Variants in PPP5C observed in about 807,000 individuals in gnomAD.
PPP5C encodes the protein serine/threonine-protein phosphatase 5.
In PPP5C, 21 loss-of-function variants were observed where a neutral mutation model predicts 66.7. That is an observed-to-expected ratio of 0.31 (90% CI 0.22 to 0.45). PPP5C has a LOEUF of 0.45. Among genes scored for constraint, PPP5C ranks in the 20% least tolerant of loss-of-function variants. The pLI is 1.00. For synonymous variants in PPP5C, 246 were observed against 257.4 expected (o/e 0.96, Z 0.43); for missense variants, 464 against 675.9 (o/e 0.69, Z 3.48).
chr19:46,379,952 G>A (rs1379718528), intron 4 of PPP5C, among the ~76,000 whole-genome samples: 1 of 152,192 alleles, frequency 6.6e-6, no homozygotes, highest in Non-Finnish European at 1.5e-5. Flanking sequence ...ATTACAATGT[G>A]TAACTTTAAC....
Position 46,390,899 on chromosome 19 carries a change from A to C in PPP5C, c.*553A>C, listed in dbSNP as rs1973011177. On this transcript the variant is annotated 3_prime_UTR_variant, in exon 13 of 13. Coordinates refer to ENST00000012443, the MANE Select transcript of PPP5C (RefSeq NM_006247.4). ...CCGAAGGAGCTGCCCGGGTTGGGTT[A>C]CGCCTGCTCAGGAGATCCGGAGGGT... The C allele has an allele frequency of 8.6e-7, 1 of 1,167,836 alleles. No individual in the cohort carries two copies. The highest frequency in any genetic ancestry group is 1.1e-6 in the Non-Finnish European group (1 of 928,280). 72.3% of individuals were successfully genotyped at this position (1,167,836 alleles called of 1,614,324 possible). A position where few individuals can be genotyped will look rare whatever the true frequency, so the allele number is the denominator to read the frequency against.
chr19:46,382,874 G>GA, intron 4 of PPP5C: 3 of 1,070,694 alleles, frequency 2.8e-6, no homozygotes, highest in Non-Finnish European at 3.4e-6. Context: ...TCCAATCTGT[G>GA]AAAAATAAAT....
intron 2 of PPP5C, among the ~76,000 whole-genome samples, chr19:46,354,793 T>A (rs551062508): frequency 1.7e-4 from 25 of 150,204 alleles, no homozygotes; most frequent in Non-Finnish European, 2.8e-4. Flanking sequence ...TGAGACCCTG[T>A]CTCAAAAAAA....
chr19:46,351,718 C>CCT (rs1972188766), intron 1 of PPP5C, among the ~76,000 whole-genome samples: 2 of 152,218 alleles, frequency 1.3e-5, no homozygotes, highest in South Asian at 4.1e-4. Flanking sequence ...ATCTGGGCTG[C>CCT]CCAGTTCTGC....
chr19:46,387,366 A>G lies in PPP5C; in HGVS notation c.1048A>G (p.Ile350Val). ...ACAGCGGCATCCCCCATCTCCCCAG[A>G]TCATGCACGGAGGCCTGTTCAGTGA... is the stretch of plus-strand genomic sequence containing the variant. ...LAQCINGKVL[I>V]MHGGLFSEDG... The change falls in exon 9 of 13, where the codon ATC becomes GTC. Residue 350 changes from isoleucine (I) to valine (V), a missense_variant and splice_region_variant. This residue lies in a region of PPP5C where 387 missense variants were observed against 626.0 expected (regional missense o/e 0.62). Transcript: ENST00000012443. 6.2e-7 allele frequency: 1 copy of G among 1,607,956 alleles called. No individual in the cohort carries two copies. Among genetic ancestry groups the G allele is most frequent in the Non-Finnish European group, 8.5e-7 (1 of 1,175,056 alleles).
intron 2 of PPP5C, among the ~76,000 whole-genome samples, chr19:46,362,810 TG>T (rs1365786110): frequency 6.6e-6 from 1 of 151,512 alleles, no homozygotes; most frequent in Non-Finnish European, 1.5e-5. Context: ...TTTTTTGAGA[TG>T]GGGTCTCACT....
chr19:46,380,203 C>T (rs920307224), intron 4 of PPP5C, among the ~76,000 whole-genome samples: 1 of 152,080 alleles, frequency 6.6e-6, no homozygotes, highest in African/African-American at 2.4e-5. Context: ...ACTTCTAATC[C>T]CAGCTGCTCG....
chr19:46,375,493 G>A (rs997630300), intron 2 of PPP5C, 111 bp from the exon 3 acceptor site: 26 of 1,466,080 alleles, frequency 1.8e-5, no homozygotes, highest in African/African-American at 2.8e-5. Flanking sequence ...AGCACCTGGC[G>A]CCCAGGCGGT....
Position 46,383,497 on chromosome 19 carries a change from C to A in PPP5C, c.699+21C>A. The A allele has an allele frequency of 8.6e-7, 1 of 1,158,684 alleles. No homozygotes were observed. The highest frequency in any genetic ancestry group is 1.2e-6 in the Non-Finnish European group (1 of 802,940). 71.8% of individuals were successfully genotyped at this position (1,158,684 alleles called of 1,614,324 possible). ...AAGAGGTGCGCGTTGTGGGGCAGTG[C>A]GGGGAGGGCCAGCGGGGGTGGGCTC... On this transcript the variant is annotated intron_variant, in intron 5 of 12. Coordinates refer to ENST00000012443, the MANE Select transcript of PPP5C (RefSeq NM_006247.4). The surrounding 1 kb of genome is among the most constrained non-coding windows in gnomAD (Gnocchi z 5.0).
At chr19:46,351,491 T>A (rs973337345) in intron 1 of PPP5C, among the ~76,000 whole-genome samples, 1 of 152,218 alleles carries the variant, frequency 6.6e-6, no homozygotes, top group Admixed American at 6.5e-5. Context: ...GGCCACCCAG[T>A]GAGGCAGAGC....
intron 2 of PPP5C, among the ~76,000 whole-genome samples, chr19:46,360,074 C>T (rs78365836): frequency 6.6e-6 from 1 of 152,078 alleles, no homozygotes; most frequent in Non-Finnish European, 1.5e-5. Context: ...CCACTGCACC[C>T]GGCCTGTAAG....
Position 46,390,442 on chromosome 19 carries a change from TG to T in PPP5C, c.*97del. 4 of 1,537,358 alleles carry T rather than the reference TG, an allele frequency of 2.6e-6. No homozygotes were observed. Among genetic ancestry groups the T allele is most frequent in the Non-Finnish European group, 3.5e-6 (4 of 1,140,232 alleles). On this transcript the variant is annotated 3_prime_UTR_variant, in exon 13 of 13. Transcript: ENST00000012443. ...CAGAGCAGGCCCCGCCCCAGGGCAA[TG>T]TTGGACCCCCTTTTACTTTGTAAAG...
chr19:46,353,730 C>A lies in PPP5C; in HGVS notation c.122-18C>A. ...AGGGTTGGAGCACTGCCTCATGCCT[C>A]TTCTTCTGTCTCCGCAGCCAAGGAC... On this transcript the variant is annotated intron_variant, in intron 1 of 12. Transcript: ENST00000012443. The A allele has an allele frequency of 6.2e-7, 1 of 1,613,876 alleles. No individual in the cohort carries two copies. The highest frequency in any genetic ancestry group is 1.1e-5 in the South Asian group (1 of 91,060).
intron 6 of PPP5C, chr19:46,384,421 A>T (rs1055778012): frequency 1.1e-5 from 3 of 276,848 alleles, no homozygotes; most frequent in African/African-American, 6.4e-5. Flanking sequence ...TTGTAGGGCC[A>T]CTAGGCCTAT....
intron 2 of PPP5C, among the ~76,000 whole-genome samples, chr19:46,355,584 G>A (rs1222353786): frequency 1.3e-5 from 2 of 152,098 alleles, no homozygotes; most frequent in African/African-American, 4.8e-5. Flanking sequence ...ACCTAGAAGG[G>A]TGGGGGCAGG....
intron 6 of PPP5C, 64 bp from the exon 7 acceptor site, chr19:46,384,740 C>A: frequency 6.8e-6 from 9 of 1,329,924 alleles, no homozygotes; most frequent in Non-Finnish European, 9.7e-6. Context: ...TCTGCCACCA[C>A]CCCCAACCCC....
At position 46,388,580 on chromosome 19, in the gene PPP5C, G is replaced by A. The variant is rs2080676681; in HGVS notation, c.1204G>A (p.Val402Met). ...QNGRSISKRGVSCQFGPDVTK... is the reference protein window; with the variant it reads ...QNGRSISKRGMSCQFGPDVTK... ...CGGGCGCTCGATCAGCAAGCGGGGC[G>A]TGAGCTGTCAGTTTGGGCCTGACGT... The change falls in exon 11 of 13, where the codon GTG becomes ATG. Residue 402 changes from valine (V) to methionine (M), a missense_variant. Transcript: ENST00000012443. The surrounding 1 kb of genome is among the most constrained non-coding windows in gnomAD (Gnocchi z 4.9). The A allele has an allele frequency of 1.9e-6, 3 of 1,614,004 alleles. No individual in the cohort carries two copies. Among genetic ancestry groups the A allele is most frequent in the Admixed American group, 1.7e-5 (1 of 60,004 alleles).
At position 46,376,457 on chromosome 19, in the gene PPP5C, T is replaced by C; in HGVS notation, c.516T>C (p.Ile172=). The C allele has an allele frequency of 6.2e-7, 1 of 1,613,364 alleles. No individual in the cohort carries two copies. The highest frequency in any genetic ancestry group is 8.5e-7 in the Non-Finnish European group (1 of 1,179,634). The change falls in exon 4 of 13, where the codon ATT becomes ATC. Residue 172 remains isoleucine, a synonymous_variant. Coordinates refer to ENST00000012443, the MANE Select transcript of PPP5C (RefSeq NM_006247.4). The surrounding 1 kb of genome is among the most constrained non-coding windows in gnomAD (Gnocchi z 5.1). ...VDSLDIESMT[I]EDEYSGPKLE... ...GTCCCGTTGTTCACACCCTAGCCAT[T>C]GAGGATGAGTACAGCGGACCCAAGC...
At position 46,347,744 on chromosome 19, in the gene PPP5C, G is replaced by T. The variant is rs146488744; in HGVS notation, c.121+527G>T. Among the ~76,000 whole-genome samples, 817 of 152,186 alleles carry T rather than the reference G, an allele frequency of 5.4e-3. 3 individuals are homozygous for T. Among genetic ancestry groups the T allele is most frequent in the Non-Finnish European group, 7.3e-3 (498 of 67,998 alleles). ...GATGGTGGGGGCCTTGGGAGTAAGG[G>T]TGGGGATCCTTAAGAATAGTATCAC... On this transcript the variant is annotated intron_variant, in intron 1 of 12. Transcript: ENST00000012443.
Sources: gnomAD v4.1 joint callset for allele counts (sites outside exome capture counted in the v4.1 genomes callset) on GRCh38, gnomAD v4.1.1 for gene constraint, gnomAD v4.1.1 regional missense constraint, Gnocchi (gnomAD v3.1) non-coding constraint, MANE v1.5 for transcripts, NCBI Gene and HGNC (gene_info 2026-07-23, HGNC 2026-07-21) for gene names.